The following PRG3 variants were observed in gnomAD, a reference collection of about 807,000 sequenced individuals.
PRG3 encodes proteoglycan 3.
In PRG3, 25 loss-of-function variants were observed where a neutral mutation model predicts 26.1. The ratio of observed to expected loss-of-function variants is 0.96; its 90% CI spans 0.70 to 1.34. PRG3 has a LOEUF of 1.34. Among genes scored for constraint, PRG3 ranks in the 40% most tolerant of loss-of-function variants. The pLI, the probability that PRG3 is intolerant of heterozygous loss-of-function variation, is 0.00. For synonymous variants in PRG3, 111 were observed against 100.4 expected (o/e 1.11, Z -0.63); for missense variants, 280 against 264.8 (o/e 1.06, Z -0.40).
At chr11:57,379,056 G>C (rs568337522) in intron 3 of PRG3, among the ~76,000 whole-genome samples, 4 of 152,280 alleles carry the variant, frequency 2.6e-5, no homozygotes, top group Admixed American at 2.6e-4. Context: ...CACTTTTCAT[G>C]TATTATCTCA....
intron 5 of PRG3, 141 bp from the exon 6 acceptor site, chr11:57,377,049 C>G (rs1449260931): frequency 1.2e-6 from 1 of 808,948 alleles, no homozygotes; most frequent in Non-Finnish European, 2.0e-6. Context: ...CACATCCCTA[C>G]TGGCTCACAT....
intron 4 of PRG3, 64 bp from the exon 5 acceptor site, chr11:57,377,900 C>A (rs978340019): frequency 2.9e-6 from 4 of 1,358,484 alleles, no homozygotes; most frequent in African/African-American, 2.9e-5. Context: ...TGGAATACCC[C>A]CTGTTGACTT....
At chr11:57,379,282 G>T (rs59832434) in intron 3 of PRG3, among the ~76,000 whole-genome samples, 9,619 of 152,232 alleles carry the variant, frequency 0.063, 1,048 homozygotes, top group African/African-American at 0.22. Context: ...CTGGGGATTT[G>T]TTGTAAATGC....
rs1343788678 is a variant in PRG3, at chr11:57,379,489, C to T, written c.375+5G>A. 1.2e-6 allele frequency: 2 copies of T among 1,602,900 alleles called. No individual in the cohort carries two copies. Among genetic ancestry groups the T allele is most frequent in the Admixed American group, 1.7e-5 (1 of 59,256 alleles). On this transcript the variant is annotated splice_donor_5th_base_variant and intron_variant, in intron 3 of 5. Transcript: ENST00000287143. ...GTCCTCCGCAGTAGCCTCCCTACTA[C>T]TTACCTGAGCTTCTGCAAAAGTTTT... is the stretch of plus-strand genomic sequence containing the variant.
chr11:57,377,478 T>C (rs950444545), intron 5 of PRG3, among the ~76,000 whole-genome samples: 2 of 152,152 alleles, frequency 1.3e-5, no homozygotes, highest in Non-Finnish European at 2.9e-5. Context: ...TGCCCTCATA[T>C]CAAAGGAGGC....
chr11:57,379,751 G>T lies in PRG3; in HGVS notation c.118C>A (p.Leu40Met), dbSNP rs375214299. The T allele has an allele frequency of 1.2e-6, 2 of 1,613,940 alleles. No individual in the cohort carries two copies. Among genetic ancestry groups the T allele is most frequent in the Non-Finnish European group, 8.5e-7 (1 of 1,179,998 alleles). Residue 40 changes from leucine to methionine, a missense_variant, in exon 3 of 6, where the codon CTG becomes ATG. Transcript: ENST00000287143. ...LETQADLGQDLDSSKEQERDL... is the reference protein window; with the variant it reads ...LETQADLGQDMDSSKEQERDL... ...CTCTCCTGCTCCTTTGAACTATCCA[G>T]ATCCTGGCCTAGGTCTGCCTGTGTC...
chr11:57,380,895 T>C, intron 1 of PRG3, 114 bp from the exon 2 acceptor site: 1 of 468,166 alleles, frequency 2.1e-6, no homozygotes, highest in South Asian at 3.7e-5. Flanking sequence ...AGAAAAGGAA[T>C]GGTGGGAGGG....
At chr11:57,379,334 G>A (rs927739476) in intron 3 of PRG3, among the ~76,000 whole-genome samples, 160 bp downstream of exon 3, 4 of 152,182 alleles carry the variant, frequency 2.6e-5, no homozygotes, top group Non-Finnish European at 2.9e-5. Flanking sequence ...ATCAGAAGTC[G>A]TGCAGGTGAG....
chr11:57,377,551 T>A (rs1856956793), intron 5 of PRG3, among the ~76,000 whole-genome samples, 174 bp downstream of exon 5: 1 of 152,076 alleles, frequency 6.6e-6, no homozygotes. Context: ...TCCTATCACC[T>A]GGTTTTGCTT....
intron 5 of PRG3, 120 bp from the exon 6 acceptor site, chr11:57,377,028 T>C: frequency 1.0e-6 from 1 of 979,868 alleles, no homozygotes; most frequent in African/African-American, 1.6e-5. Flanking sequence ...CTGCCAGCTG[T>C]GTGCTTGCCC....
At chr11:57,380,508 C>T in intron 2 of PRG3, 140 bp downstream of exon 2, 1 of 657,276 alleles carries the variant, frequency 1.5e-6, no homozygotes, top group East Asian at 3.4e-5. Flanking sequence ...CAAGTGATAT[C>T]TTACCGGAGA....
Position 57,378,681 on chromosome 11 carries a change from C to T in PRG3, c.507G>A (p.Trp169Ter), listed in dbSNP as rs894931206. The T allele has an allele frequency of 6.2e-7, 1 of 1,613,072 alleles. No homozygotes were observed. The highest frequency in any genetic ancestry group is 1.7e-4 in the Middle Eastern group (1 of 6,052). Residue 169 changes from tryptophan (W) to a stop codon, truncating the protein, a stop_gained and splice_region_variant, in exon 4 of 6, where the codon TGG becomes TGA. Coordinates refer to ENST00000287143, the MANE Select transcript of PRG3 (RefSeq NM_006093.4). LOFTEE classifies it high-confidence loss of function. Reference protein sequence around the residue: ...QVWIGGNLRGWFLWKRFCWTD... With the variant: ...QVWIGGNLRG Reference sequence around the variant, plus strand: ...ACCCAAGATTTGGCCCCTGACTTACCCAGCCCCTGAGGTTGCCTCCAATCC... The same window carrying T: ...ACCCAAGATTTGGCCCCTGACTTACTCAGCCCCTGAGGTTGCCTCCAATCC...
rs777785059 is a variant in PRG3 at position 57,379,694 on chromosome 11, C to A, written c.175G>T (p.Ala59Ser). Residue 59 changes from alanine (A) to serine (S), a missense_variant, in exon 3 of 6, where the codon GCA becomes TCA. Transcript: ENST00000287143. ...GAAGCCTTGACCTCCTCTCCCTCTG[C>A]CTGAATCACCTCCTCCGTCAGAGCC... ...DLALTEEVIQ[A>S]EGEEVKASAC... The A allele has an allele frequency of 9.3e-6, 15 of 1,613,886 alleles. No individual in the cohort carries two copies. Among genetic ancestry groups the A allele is most frequent in the Non-Finnish European group, 1.2e-5 (14 of 1,180,038 alleles).
intron 3 of PRG3, 129 bp from the exon 4 acceptor site, chr11:57,378,941 C>T: frequency 1.9e-6 from 2 of 1,038,020 alleles, no homozygotes; most frequent in East Asian, 2.4e-5. Flanking sequence ...CTATCTTTTG[C>T]TTCTTAATTA....
At chr11:57,378,556 C>T (rs1411659899) in intron 4 of PRG3, 125 bp downstream of exon 4, 4 of 1,302,916 alleles carry the variant, frequency 3.1e-6, no homozygotes, top group East Asian at 4.7e-5. Flanking sequence ...AAGCCATCTC[C>T]AGCACATCAT....
intron 4 of PRG3, 29 bp downstream of exon 4, chr11:57,378,652 C>G: frequency 6.2e-7 from 1 of 1,609,458 alleles, no homozygotes; most frequent in Non-Finnish European, 8.5e-7. Context: ...AAAGAACTTA[C>G]TGCACCCAAG....
At chr11:57,379,881 T>C in intron 2 of PRG3, 74 bp from the exon 3 acceptor site, 1 of 1,339,368 alleles carries the variant, frequency 7.5e-7, no homozygotes, top group East Asian at 2.3e-5. Flanking sequence ...TCCAGCAACG[T>C]CGCTCGAGCT....
chr11:57,376,982 G>C, intron 5 of PRG3, 74 bp from the exon 6 acceptor site: 1 of 1,541,234 alleles, frequency 6.5e-7, no homozygotes, highest in Non-Finnish European at 8.9e-7. Flanking sequence ...TCCCTCCTCA[G>C]GGGCCCCCTA....
chr11:57,379,468 TCCGCAGTAG>T lies in PRG3; in HGVS notation c.375+17_375+25del, dbSNP rs747432575. ...ATGTACTCTCTTTTCCCCCAGGTCC[TCCGCAGTAG>T]CCTCCCTACTACTTACCTGAGCTTC... On this transcript the variant is annotated intron_variant, in intron 3 of 5. Coordinates refer to ENST00000287143, the MANE Select transcript of PRG3 (RefSeq NM_006093.4). 4.5e-6 allele frequency: 7 copies of T among 1,569,574 alleles called. No individual in the cohort carries two copies. The highest frequency in any genetic ancestry group is 1.7e-4 in the Middle Eastern group (1 of 5,864).
Sources: gnomAD v4.1 joint callset for allele counts (sites outside exome capture counted in the v4.1 genomes callset) on GRCh38, gnomAD v4.1.1 for gene constraint, MANE v1.5 for transcripts, NCBI Gene and HGNC (gene_info 2026-07-23, HGNC 2026-07-21) for gene names.